The following SBF2 variants were observed in gnomAD, a reference collection of about 807,000 sequenced individuals.
The protein encoded by SBF2 is SET binding factor 2, also known as myotubularin-related protein 13.
Under a neutral mutation model 225.2 loss-of-function variants are expected in SBF2, and 112 were observed. That is an observed-to-expected ratio of 0.50 (90% CI 0.43 to 0.58). The LOEUF (loss-of-function observed/expected upper bound fraction) is 0.58. SBF2 is among the 20% of genes least tolerant of loss of function. The probability of loss-of-function intolerance (pLI) is 0.00; values close to 1 mark genes in which losing one functional copy is unlikely to be tolerated. For synonymous variants in SBF2, 763 were observed against 773.3 expected (o/e 0.99, Z 0.22); for missense variants, 1,996 against 2,206.2 (o/e 0.90, Z 1.91).
intron 1 of SBF2, among the ~76,000 whole-genome samples, chr11:10,235,546 A>G (rs1284541183): frequency 6.6e-6 from 1 of 151,688 alleles, no homozygotes; most frequent in Non-Finnish European, 1.5e-5. Flanking sequence ...AAAAAAAACC[A>G]AAAAACTCAA....
At chr11:9,798,933 C>T (rs1388969241) in intron 32 of SBF2, among the ~76,000 whole-genome samples, 1 of 130,214 alleles carries the variant, frequency 7.7e-6, no homozygotes, top group Non-Finnish European at 1.6e-5. Flanking sequence ...GCCTGGGCAA[C>T]AGAGCAAGAC....
chr11:9,914,664 C>G (rs1472279719), intron 16 of SBF2, among the ~76,000 whole-genome samples: 1 of 151,840 alleles, frequency 6.6e-6, no homozygotes, highest in Admixed American at 6.6e-5. Context: ...AAAGCATGAT[C>G]CATGAAAGAA....
At chr11:9,925,509 C>T (rs191846741) in intron 16 of SBF2, among the ~76,000 whole-genome samples, 24 of 152,326 alleles carry the variant, frequency 1.6e-4, no homozygotes, top group African/African-American at 5.8e-4. Flanking sequence ...ACTCCAACCT[C>T]AGGTGATCCG....
intron 17 of SBF2, among the ~76,000 whole-genome samples, chr11:9,886,711 C>CTTTTTTTT (rs1860346183): frequency 3.2e-5 from 1 of 31,344 alleles, no homozygotes; most frequent in African/African-American, 1.6e-4. Context: ...TTTTTTTTTG[C>CTTTTTTTT]CTATAATATT....
At chr11:10,083,315 G>C (rs1951437355) in intron 2 of SBF2, among the ~76,000 whole-genome samples, 2 of 152,140 alleles carry the variant, frequency 1.3e-5, no homozygotes, top group South Asian at 2.1e-4. Flanking sequence ...GACAAAAGCA[G>C]TCTACAGATT....
chr11:9,812,557 A>G lies in SBF2; in HGVS notation c.4130T>C (p.Leu1377Pro). ...TDSEVTFLKA[L>P]GDSEWFPQLH... ...CTGTGGGAACCACTCAGAATCTCCCAGCGCTTTCAGGAAGGTCACTTCTGA... is the reference window on the plus strand; with the variant it reads ...CTGTGGGAACCACTCAGAATCTCCCGGCGCTTTCAGGAAGGTCACTTCTGA... The change falls in exon 30 of 40, where the codon CTG (leucine) becomes CCG (proline). Residue 1377 changes from leucine (L) to proline (P), a missense_variant. Coordinates refer to ENST00000256190, the MANE Select transcript of SBF2 (RefSeq NM_030962.4). 6.2e-7 allele frequency: 1 copy of G among 1,614,202 alleles called. No individual in the cohort carries two copies. Among genetic ancestry groups the G allele is most frequent in the Non-Finnish European group, 8.5e-7 (1 of 1,180,032 alleles).
intron 6 of SBF2, among the ~76,000 whole-genome samples, chr11:10,006,325 T>C (rs1948188016): frequency 6.6e-6 from 1 of 152,244 alleles, no homozygotes; most frequent in Non-Finnish European, 1.5e-5. Flanking sequence ...CCAGCTCAGA[T>C]GACCTCTAAT....
At chr11:9,878,630 G>A (rs1859488533) in intron 17 of SBF2, among the ~76,000 whole-genome samples, 1 of 152,174 alleles carries the variant, frequency 6.6e-6, no homozygotes, top group African/African-American at 2.4e-5. Context: ...CAAATGCTAG[G>A]TTAAAGCATC....
At chr11:10,247,987 A>C (rs1323366120) in intron 1 of SBF2, among the ~76,000 whole-genome samples, 1 of 152,222 alleles carries the variant, frequency 6.6e-6, no homozygotes, top group African/African-American at 2.4e-5. Context: ...TGTCTTCAAA[A>C]GTGTAAACAT....
Position 9,829,610 on chromosome 11 carries a change from T to C in SBF2, c.3653-114A>G. ...TATGCTTATTTTTCTCTATATAGTC[T>C]ACAAGTTACCACACCCAAATATAGA... On this transcript the variant is annotated intron_variant, in intron 27 of 39. Transcript: ENST00000256190. The C allele has an allele frequency of 8.4e-6, 8 of 954,916 alleles. No individual in the cohort carries two copies. The South Asian group carries it at 9.9e-5, about 12-fold the overall frequency. 59.2% of individuals were successfully genotyped at this position (954,916 alleles called of 1,614,324 possible).
intron 17 of SBF2, among the ~76,000 whole-genome samples, chr11:9,865,190 A>T (rs946667636): frequency 6.6e-6 from 1 of 152,220 alleles, no homozygotes; most frequent in African/African-American, 2.4e-5. Flanking sequence ...TTTTTCATGC[A>T]TTATGTTGTT....
At chr11:10,078,264 T>C (rs961242888) in intron 2 of SBF2, among the ~76,000 whole-genome samples, 3 of 152,194 alleles carry the variant, frequency 2.0e-5, no homozygotes, top group African/African-American at 7.2e-5. Flanking sequence ...TTTGATCCAG[T>C]GATCCCATTA....
chr11:9,821,012 T>C (rs1854720647), intron 28 of SBF2, among the ~76,000 whole-genome samples: 1 of 152,248 alleles, frequency 6.6e-6, no homozygotes, highest in Non-Finnish European at 1.5e-5. Flanking sequence ...TGTGGATTAC[T>C]ATACCCTCCC....
At chr11:10,094,373 T>C (rs1951919760) in intron 2 of SBF2, among the ~76,000 whole-genome samples, 1 of 152,068 alleles carries the variant, frequency 6.6e-6, no homozygotes, top group Non-Finnish European at 1.5e-5. Flanking sequence ...ATAAGGCCTG[T>C]AATTTCCCAC....
At chr11:9,842,475 T>C (rs532066950) in intron 25 of SBF2, 150 bp downstream of exon 25, 10 of 713,162 alleles carry the variant, frequency 1.4e-5, no homozygotes, top group Non-Finnish European at 2.1e-5. Flanking sequence ...AAAATATTTT[T>C]CCCCCAGTTC....
chr11:10,272,347 C>T (rs72850483), intron 1 of SBF2: 4 of 628,360 alleles, frequency 6.4e-6, no homozygotes, highest in Admixed American at 3.2e-5. Flanking sequence ...GGCTTACTTA[C>T]TTGCTAGTTA....
chr11:9,856,547 T>C lies in SBF2; in HGVS notation c.2274A>G (p.Leu758=). Residue 758 remains leucine, a synonymous_variant, in exon 19 of 40, where the codon CTA becomes CTG. Transcript: ENST00000256190. Reference sequence around the variant, plus strand: ...TGTTTTTACTTGTGTCGAGTGGAACTAGCAGGTTCACCATGAGGTTTGCAA... The same window carrying C: ...TGTTTTTACTTGTGTCGAGTGGAACCAGCAGGTTCACCATGAGGTTTGCAA... ...IHFANLMVNL[L]VPLDTSKNKL... 3 of 1,614,146 alleles carry C rather than the reference T, an allele frequency of 1.9e-6. No homozygotes were observed. The highest frequency in any genetic ancestry group is 1.3e-5 in the African/African-American group (1 of 75,034).
chr11:10,117,949 CT>C (rs1285114600), intron 2 of SBF2, among the ~76,000 whole-genome samples: 1 of 152,268 alleles, frequency 6.6e-6, no homozygotes, highest in South Asian at 2.1e-4. Context: ...TGAAAAGAAT[CT>C]TGGCAGTTTC....
At chr11:10,005,918 G>C (rs1010455521) in intron 6 of SBF2, among the ~76,000 whole-genome samples, 5 of 152,086 alleles carry the variant, frequency 3.3e-5, no homozygotes, top group African/African-American at 1.2e-4. Flanking sequence ...GCTGATGTAC[G>C]GTAGCTCACA....
Sources: gnomAD v4.1 joint callset for allele counts (sites outside exome capture counted in the v4.1 genomes callset) on GRCh38, gnomAD v4.1.1 for gene constraint, MANE v1.5 for transcripts, NCBI Gene and HGNC (gene_info 2026-07-23, HGNC 2026-07-21) for gene names.